SPATA16: variants seen among roughly 807,000 people sequenced by gnomAD.
The protein encoded by SPATA16 is spermatogenesis associated 16.
In SPATA16, 36 loss-of-function variants were observed where a neutral mutation model predicts 63.3. The observed-to-expected ratio is 0.57, with a 90% CI of 0.44 to 0.75. SPATA16 has a LOEUF of 0.75. Ranked by LOEUF, SPATA16 falls within the 30% of genes least tolerant of loss-of-function variation. SPATA16 has a pLI of 0.00. For synonymous variants in SPATA16, 203 were observed against 216.7 expected (o/e 0.94, Z 0.56); for missense variants, 646 against 679.3 (o/e 0.95, Z 0.54).
chr3:173,115,790 TAA>T (rs1416696852), intron 2 of SPATA16, among the ~76,000 whole-genome samples: 1 of 152,160 alleles, frequency 6.6e-6, no homozygotes, highest in Non-Finnish European at 1.5e-5. Context: ...ACAATGAAAA[TAA>T]TACTTTACTC....
chr3:172,905,714 G>T (rs960554852), intron 10 of SPATA16, among the ~76,000 whole-genome samples: 2 of 152,118 alleles, frequency 1.3e-5, no homozygotes, highest in Non-Finnish European at 2.9e-5. Context: ...AGGTTAAAAA[G>T]GAACACAAGA....
intron 1 of SPATA16, among the ~76,000 whole-genome samples, chr3:173,132,122 A>G (rs879844582): frequency 6.6e-6 from 1 of 152,170 alleles, no homozygotes; most frequent in Non-Finnish European, 1.5e-5. Context: ...TTTATAGAGT[A>G]TTAGATTCTA....
chr3:173,135,145 A>G (rs1379450574), intron 1 of SPATA16, among the ~76,000 whole-genome samples: 1 of 152,218 alleles, frequency 6.6e-6, no homozygotes, highest in Non-Finnish European at 1.5e-5. Context: ...GAAGTGGGCT[A>G]AACGTTTTAA....
rs375612371 is a variant in SPATA16 at position 172,956,783 on chromosome 3, C to T, written c.975G>A (p.Ser325=). Residue 325 remains serine (S), a synonymous_variant, in exon 6 of 11, where the codon TCG becomes TCA. Coordinates refer to ENST00000351008, the MANE Select transcript of SPATA16 (RefSeq NM_031955.6). ...EEAITRAESF[S]VMYTPFATKI... ...TTGTCGCAAATGGTGTGTACATAACCGAGAAAGATTCAGCTCTGGTGATGG... is the reference window on the plus strand; with the variant it reads ...TTGTCGCAAATGGTGTGTACATAACTGAGAAAGATTCAGCTCTGGTGATGG... 7.3e-5 allele frequency: 117 copies of T among 1,613,076 alleles called. No individual in the cohort carries two copies. The highest frequency in any genetic ancestry group is 1.6e-4 in the Middle Eastern group (1 of 6,068).
chr3:173,072,397 T>C, intron 2 of SPATA16, among the ~76,000 whole-genome samples: 1 of 152,152 alleles, frequency 6.6e-6, no homozygotes, highest in East Asian at 1.9e-4. Flanking sequence ...GTGATATGGT[T>C]TGGCTGTGTC....
chr3:173,013,081 T>C (rs768844686), intron 4 of SPATA16, among the ~76,000 whole-genome samples: 16 of 151,668 alleles, frequency 1.1e-4, no homozygotes, highest in Non-Finnish European at 1.6e-4. Context: ...CAAACCACAA[T>C]AAAAAACCAT....
chr3:172,958,636 A>C (rs763068132), intron 5 of SPATA16, among the ~76,000 whole-genome samples: 19 of 152,194 alleles, frequency 1.2e-4, no homozygotes, highest in Non-Finnish European at 2.4e-4. Context: ...CTTAAACAAC[A>C]GAAATTTATT....
At chr3:172,976,742 A>T (rs1734169021) in intron 5 of SPATA16, among the ~76,000 whole-genome samples, 1 of 152,104 alleles carries the variant, frequency 6.6e-6, no homozygotes, top group Non-Finnish European at 1.5e-5. Flanking sequence ...ATTTATATTG[A>T]GTTGTAAAAC....
intron 4 of SPATA16, among the ~76,000 whole-genome samples, chr3:173,004,031 C>T (rs1338890489): frequency 1.3e-5 from 2 of 152,138 alleles, no homozygotes; most frequent in South Asian, 2.1e-4. Flanking sequence ...CTGGCTTGAC[C>T]GTGATTCTCT....
chr3:172,937,370 T>A (rs1733026391), intron 6 of SPATA16, among the ~76,000 whole-genome samples: 1 of 152,208 alleles, frequency 6.6e-6, no homozygotes. Context: ...GTGAATCTGA[T>A]TCCCAGCCTT....
chr3:172,961,084 TCCTTC>T (rs752483442), intron 5 of SPATA16, among the ~76,000 whole-genome samples: 11,550 of 139,922 alleles, frequency 0.083, 1,097 homozygotes, highest in East Asian at 0.13. Flanking sequence ...CTTCCTTCCT[TCCTTC>T]CTTCCTTCCT....
chr3:173,114,150 A>G (rs1309034407), intron 2 of SPATA16, among the ~76,000 whole-genome samples: 2 of 147,380 alleles, frequency 1.4e-5, no homozygotes, highest in Non-Finnish European at 3.0e-5. Flanking sequence ...ACTGCACTCC[A>G]GCCTGGGCAA....
chr3:173,065,797 C>A (rs1736505029), intron 2 of SPATA16, among the ~76,000 whole-genome samples: 1 of 152,168 alleles, frequency 6.6e-6, no homozygotes, highest in Non-Finnish European at 1.5e-5. Flanking sequence ...AGTATTAGAT[C>A]AGCCCTGGGC....
At chr3:173,119,359 A>T in intron 1 of SPATA16, among the ~76,000 whole-genome samples, 1 of 152,202 alleles carries the variant, frequency 6.6e-6, no homozygotes, top group East Asian at 1.9e-4. Flanking sequence ...ACTGTGACCC[A>T]TTAGATTTTT....
At chr3:173,123,726 C>T (rs1266783942) in intron 1 of SPATA16, among the ~76,000 whole-genome samples, 1 of 151,614 alleles carries the variant, frequency 6.6e-6, no homozygotes, top group Non-Finnish European at 1.5e-5. Flanking sequence ...GCCTCAGCCT[C>T]CCGAGTATCT....
chr3:173,093,040 A>C (rs1478960367), intron 2 of SPATA16, among the ~76,000 whole-genome samples: 3 of 142,550 alleles, frequency 2.1e-5, no homozygotes, highest in South Asian at 2.3e-4. Context: ...ATGCACCTAA[A>C]ACACACACAC....
chr3:173,035,959 AT>A (rs34251952), intron 3 of SPATA16, among the ~76,000 whole-genome samples: 38,073 of 143,316 alleles, frequency 0.27, 6,212 homozygotes, highest in African/African-American at 0.48. Flanking sequence ...CTCAGCCTCT[AT>A]TTTTTTTTTT....
At chr3:172,928,256 A>G (rs972107133) in intron 6 of SPATA16, among the ~76,000 whole-genome samples, 4 of 152,174 alleles carry the variant, frequency 2.6e-5, no homozygotes, top group Non-Finnish European at 4.4e-5. Context: ...GCCTCTTTTT[A>G]AAAGGATGGC....
At chr3:172,964,048 C>G (rs1318552236) in intron 5 of SPATA16, among the ~76,000 whole-genome samples, 1 of 152,050 alleles carries the variant, frequency 6.6e-6, no homozygotes, top group East Asian at 1.9e-4. Context: ...ACAAACAGAC[C>G]ACATCAAACC....
Sources: allele counts gnomAD v4.1 joint callset (sites outside exome capture counted in the v4.1 genomes callset), GRCh38; gene constraint gnomAD v4.1.1; transcripts MANE v1.5; gene names NCBI Gene and HGNC (gene_info 2026-07-23, HGNC 2026-07-21).